The following ARID1A variants were observed in gnomAD, a reference collection of about 807,000 sequenced individuals.
ARID1A encodes the protein AT-rich interactive domain-containing protein 1A.
Under a neutral mutation model 212.6 loss-of-function variants are expected in ARID1A, and 20 were observed. The ratio of observed to expected loss-of-function variants is 0.09; its 90% CI spans 0.07 to 0.14. The LOEUF is 0.14. ARID1A is among the 10% of genes least tolerant of loss of function. ARID1A has a pLI of 1.00. For missense variants in ARID1A, 2,587 were observed against 3,059.0 expected (o/e 0.85, Z 3.64); for synonymous variants, 1,376 against 1,222.1 (o/e 1.13, Z -2.63).
Position 26,696,140 on chromosome 1 carries a change from C to A in ARID1A, c.-264C>A. Reference sequence around the variant, plus strand: ...GGAATGAGCCGGGAGAGCCGGGTCCCGAGCCTACAGAGCCGGGAGCAGCTG... The same window carrying A: ...GGAATGAGCCGGGAGAGCCGGGTCCAGAGCCTACAGAGCCGGGAGCAGCTG... On this transcript the variant is annotated 5_prime_UTR_variant, in exon 1 of 20. Transcript: ENST00000324856. The A allele has an allele frequency of 2.0e-6, 1 of 492,746 alleles. No homozygotes were observed. The allele number at this position is 492,746 out of a possible 1,614,324, so 30.5% of individuals were successfully genotyped here.
At position 26,697,244 on chromosome 1, in the gene ARID1A, G is replaced by A. The variant is rs766868663; in HGVS notation, c.841G>A (p.Ala281Thr). 7.3e-7 allele frequency: 1 copy of A among 1,373,188 alleles called. No individual in the cohort carries two copies. 85.1% of individuals were successfully genotyped at this position (1,373,188 alleles called of 1,614,324 possible). The change falls in exon 1 of 20, where the codon GCG (alanine) becomes ACG (threonine). Residue 281 changes from alanine (A) to threonine (T), a missense_variant. Transcript: ENST00000324856. ...GGCCATGGGGGGAGGCGGCCCCTCCGCGGCCGGCGGGGGAACTCCCCAGCC... is the reference window on the plus strand; with the variant it reads ...GGCCATGGGGGGAGGCGGCCCCTCCACGGCCGGCGGGGGAACTCCCCAGCC... ...FGAMGGGGPS[A>T]AGGGTPQPTA...
intron 1 of ARID1A, among the ~76,000 whole-genome samples, chr1:26,718,776 C>G (rs1043194793): frequency 5.9e-5 from 9 of 152,142 alleles, no homozygotes; most frequent in African/African-American, 2.2e-4. Context: ...CATTTTTGAT[C>G]TGAGGCTGGC....
Position 26,781,198 on chromosome 1 carries a change from GA to G in ARID1A, c.*443del. On this transcript the variant is annotated 3_prime_UTR_variant, in exon 20 of 20. Coordinates refer to ENST00000324856, the MANE Select transcript of ARID1A (RefSeq NM_006015.6). Reference sequence around the variant, plus strand: ...AAAAATACAAAAAAAAATTCTGAAGGACAAAAAAGGTGACTGCTGAACTGTG... The same window carrying G: ...AAAAATACAAAAAAAAATTCTGAAGGCAAAAAAGGTGACTGCTGAACTGTG... 1 of 239,256 alleles carries G rather than the reference GA, an allele frequency of 4.2e-6. No homozygotes were observed. The highest frequency in any genetic ancestry group is 8.2e-6 in the Non-Finnish European group (1 of 122,324). The allele number at this position is 239,256 out of a possible 1,614,324, so 14.8% of individuals were successfully genotyped here.
In ARID1A at chr1:26,773,347, T is replaced by G. The variant is rs764663562; in HGVS notation, c.3717T>G (p.Ala1239=). ...CACCGCTTGCCTTTCTACGCTCAGCTCCAGGGAGTGATCCCTTCATGTCCT... is the reference window on the plus strand; with the variant it reads ...CACCGCTTGCCTTTCTACGCTCAGCGCCAGGGAGTGATCCCTTCATGTCCT... ...NKDPYGSMRK[A]PGSDPFMSSG... is the part of the protein sequence containing the mutation. The change falls in exon 15 of 20, where the codon GCT becomes GCG. Residue 1239 remains alanine (A), a splice_region_variant and synonymous_variant. Transcript: ENST00000324856. 1.3e-6 allele frequency: 2 copies of G among 1,583,418 alleles called. No homozygotes were observed. The highest frequency in any genetic ancestry group is 1.7e-6 in the Non-Finnish European group (2 of 1,166,374).
chr1:26,763,638 C>A (rs558333394), intron 8 of ARID1A, among the ~76,000 whole-genome samples: 2 of 152,140 alleles, frequency 1.3e-5, no homozygotes, highest in Non-Finnish European at 2.9e-5. Context: ...GGTGTGGTGG[C>A]GCACGCCTGT....
intron 4 of ARID1A, among the ~76,000 whole-genome samples, chr1:26,755,208 A>T (rs2080918045): frequency 6.6e-6 from 1 of 152,250 alleles, no homozygotes; most frequent in African/African-American, 2.4e-5. Context: ...CATATAGTAG[A>T]TGCTTAAATG....
chr1:26,735,453 C>A (rs1274125409), intron 4 of ARID1A, among the ~76,000 whole-genome samples: 2 of 152,118 alleles, frequency 1.3e-5, no homozygotes, highest in African/African-American at 4.8e-5. Context: ...CTACCACGCC[C>A]ACGTAATTTT....
chr1:26,758,853 C>T (rs143379781), intron 4 of ARID1A, among the ~76,000 whole-genome samples: 1 of 152,308 alleles, frequency 6.6e-6, no homozygotes, highest in East Asian at 1.9e-4. Flanking sequence ...AGAAAGCTAG[C>T]ATTTTCTGAC....
intron 4 of ARID1A, among the ~76,000 whole-genome samples, chr1:26,751,192 T>G (rs539141095): frequency 6.6e-6 from 1 of 151,894 alleles, no homozygotes; most frequent in South Asian, 2.1e-4. Flanking sequence ...GAGGCGGAGA[T>G]TGCAGTGAGC....
intron 11 of ARID1A, chr1:26,769,382 A>G (rs2081065061): frequency 6.6e-6 from 1 of 152,252 alleles, no homozygotes; most frequent in Admixed American, 6.5e-5. Flanking sequence ...AGTGCTATTT[A>G]TAAGTTAGTT....
chr1:26,752,458 A>G (rs1570594615), intron 4 of ARID1A, among the ~76,000 whole-genome samples: 1 of 152,210 alleles, frequency 6.6e-6, no homozygotes, highest in Admixed American at 6.5e-5. Flanking sequence ...TTATTGTACA[A>G]GTGTTCAGTA....
At chr1:26,718,175 A>G (rs1469803580) in intron 1 of ARID1A, among the ~76,000 whole-genome samples, 1 of 152,084 alleles carries the variant, frequency 6.6e-6, no homozygotes, top group Non-Finnish European at 1.5e-5. Flanking sequence ...CGGTTTCTCC[A>G]TGTTGGCCAG....
At chr1:26,735,135 T>TGGGGG (rs1553149744) in intron 4 of ARID1A, among the ~76,000 whole-genome samples, 1 of 149,042 alleles carries the variant, frequency 6.7e-6, no homozygotes, top group African/African-American at 2.5e-5. Context: ...TTTTTTTTTT[T>TGGGGG]GGGGGGAGAG....
chr1:26,701,436 T>C (rs2080331109), intron 1 of ARID1A, among the ~76,000 whole-genome samples: 1 of 152,202 alleles, frequency 6.6e-6, no homozygotes, highest in South Asian at 2.1e-4. Flanking sequence ...TTGTTATTAC[T>C]GATGCATACT....
In ARID1A at chr1:26,748,109, G is replaced by C. The variant is rs142620777; in HGVS notation, c.1921-12747G>C. Among the ~76,000 whole-genome samples, 583 of 152,282 alleles carry C rather than the reference G, an allele frequency of 3.8e-3. 12 individuals are homozygous for C. The highest frequency in any genetic ancestry group is 8.1e-3 in the East Asian group (42 of 5,182). ...CTAAGGTAGGGAAGACCACTGACAA[G>C]TATAAATTTAAGAGTTTACAAAACC... On this transcript the variant is annotated intron_variant, in intron 4 of 19. Transcript: ENST00000324856.
At chr1:26,722,539 C>A (rs1438774012) in intron 1 of ARID1A, among the ~76,000 whole-genome samples, 1 of 152,222 alleles carries the variant, frequency 6.6e-6, no homozygotes, top group Non-Finnish European at 1.5e-5. Flanking sequence ...GTCACTGCGT[C>A]TGGCCAATTT....
At chr1:26,723,691 T>G (rs2080588009) in intron 1 of ARID1A, among the ~76,000 whole-genome samples, 1 of 152,050 alleles carries the variant, frequency 6.6e-6, no homozygotes, top group Admixed American at 6.6e-5. Context: ...GAAAAGCCTT[T>G]TCCTGTGTTT....
rs747674955 is a variant in ARID1A at position 26,779,207 on chromosome 1, G to T, written c.5309G>T (p.Gly1770Val). The change falls in exon 20 of 20, where the codon GGT (glycine) becomes GTT (valine). Residue 1770 changes from glycine to valine, a missense_variant. Physicochemically the swap from Gly to Val is moderately radical, Grantham distance 109 (BLOSUM62 -3). Transcript: ENST00000324856. ...GGGGAAGAAGAAGAAGAACTTCTAG[G>T]TCCTAAACTAGAAGAGGAAGAAGAA... is the stretch of plus-strand genomic sequence containing the variant. ...EGGEEEEELL[G>V]PKLEEEEEEE... 33 of 1,613,008 alleles carry T rather than the reference G, an allele frequency of 2.0e-5. No individual in the cohort carries two copies. Among genetic ancestry groups the T allele is most frequent in the Admixed American group, 1.7e-5 (1 of 59,924 alleles).
rs745392594 is a variant in ARID1A at position 26,773,512 on chromosome 1, G to A, written c.3866+16G>A. On this transcript the variant is annotated intron_variant, in intron 15 of 19. Coordinates refer to ENST00000324856, the MANE Select transcript of ARID1A (RefSeq NM_006015.6). ...ACAGAGTGAGGTAAGCATGACCCCA[G>A]CTCCTGTCCACTCCCCCAGCACCCT... The A allele has an allele frequency of 1.4e-5, 23 of 1,612,796 alleles. No homozygotes were observed. Among genetic ancestry groups the A allele is most frequent in the Non-Finnish European group, 2.0e-5 (23 of 1,179,176 alleles).
Sources: allele counts gnomAD v4.1 joint callset (sites outside exome capture counted in the v4.1 genomes callset), GRCh38; gene constraint gnomAD v4.1.1; transcripts MANE v1.5; gene names NCBI Gene and HGNC (gene_info 2026-07-23, HGNC 2026-07-21).